BTBD1: variants seen among roughly 807,000 people sequenced by gnomAD.
BTBD1 encodes the protein BTB/POZ domain-containing protein 1.
In BTBD1, 34 loss-of-function variants were observed where a neutral mutation model predicts 48.0. That is an observed-to-expected ratio of 0.71 (90% confidence interval 0.54 to 0.94). The LOEUF (loss-of-function observed/expected upper bound fraction) is 0.94. BTBD1 is among the 40% of genes least tolerant of loss of function. The pLI is 0.00. For synonymous variants in BTBD1, 261 were observed against 242.1 expected (o/e 1.08, Z -0.72); for missense variants, 543 against 625.6 (o/e 0.87, Z 1.41).
intron 4 of BTBD1, among the ~76,000 whole-genome samples, chr15:83,032,969 C>CAA (rs56152195): frequency 0.23 from 19,564 of 86,732 alleles, 2,555 homozygotes; most frequent in Non-Finnish European, 0.24. Context: ...TACTCTGTCT[C>CAA]AAAAAAAAAA....
chr15:83,034,636 C>A (rs2032589999), intron 4 of BTBD1, among the ~76,000 whole-genome samples: 1 of 151,364 alleles, frequency 6.6e-6, no homozygotes, highest in Non-Finnish European at 1.5e-5. Flanking sequence ...AAAACAAAAA[C>A]CCACAATAAG....
intron 1 of BTBD1, among the ~76,000 whole-genome samples, chr15:83,061,280 T>C (rs2033171736): frequency 6.6e-6 from 1 of 152,190 alleles, no homozygotes; most frequent in Non-Finnish European, 1.5e-5. Flanking sequence ...AAATACCGTA[T>C]TATAATCTTA....
At chr15:83,056,345 A>G in intron 2 of BTBD1, 44 bp downstream of exon 2, 1 of 1,442,350 alleles carries the variant, frequency 6.9e-7, no homozygotes, top group Non-Finnish European at 9.7e-7. Context: ...AGTTTACTCA[A>G]TTTTAAAACT....
chr15:83,019,522 C>A (rs954273659), intron 6 of BTBD1, among the ~76,000 whole-genome samples: 3 of 151,420 alleles, frequency 2.0e-5, no homozygotes, highest in Non-Finnish European at 4.4e-5. Flanking sequence ...AGTATTTATA[C>A]TTCATAATTT....
chr15:83,026,403 A>G (rs994281563), intron 5 of BTBD1, among the ~76,000 whole-genome samples: 4 of 152,106 alleles, frequency 2.6e-5, no homozygotes, highest in Non-Finnish European at 4.4e-5. Flanking sequence ...ACAGTCTCCC[A>G]TAACTCAATC....
intron 1 of BTBD1, among the ~76,000 whole-genome samples, chr15:83,056,914 T>C (rs1255060974): frequency 6.6e-6 from 1 of 152,132 alleles, no homozygotes; most frequent in Non-Finnish European, 1.5e-5. Context: ...CAGACTGGTC[T>C]TGAACTCCTA....
At chr15:83,024,389 C>T (rs1244831016) in intron 5 of BTBD1, 1 of 152,164 alleles carries the variant, frequency 6.6e-6, no homozygotes, top group Non-Finnish European at 1.5e-5. Flanking sequence ...CCATTTGTCA[C>T]TCATCTTTTA....
At chr15:83,056,367 T>C in intron 2 of BTBD1, 22 bp downstream of exon 2, 3 of 1,581,180 alleles carry the variant, frequency 1.9e-6, no homozygotes, top group South Asian at 1.1e-5. Context: ...CAATGATACA[T>C]ACCTTAGCTA....
chr15:83,040,699 C>CAAAAAAAAAA (rs71156070), intron 4 of BTBD1, among the ~76,000 whole-genome samples: 1 of 57,232 alleles, frequency 1.7e-5, no homozygotes, highest in African/African-American at 6.6e-5. Flanking sequence ...GACCCTGTCT[C>CAAAAAAAAAA]AAAAAAAAAA....
intron 3 of BTBD1, among the ~76,000 whole-genome samples, chr15:83,049,259 A>C (rs2032934172): frequency 6.6e-6 from 1 of 152,142 alleles, no homozygotes; most frequent in Non-Finnish European, 1.5e-5. Context: ...CACACCAAAG[A>C]ACCTAAATGC....
intron 4 of BTBD1, among the ~76,000 whole-genome samples, chr15:83,033,221 A>T (rs8035852): frequency 0.12 from 18,785 of 151,432 alleles, 1,216 homozygotes; most frequent in African/African-American, 0.15. Flanking sequence ...CTCTTTTTTT[A>T]AAAAAAATGG....
intron 3 of BTBD1, among the ~76,000 whole-genome samples, chr15:83,043,527 T>A (rs2032808959): frequency 6.6e-6 from 1 of 152,126 alleles, no homozygotes; most frequent in Non-Finnish European, 1.5e-5. Context: ...GAGGCTATAG[T>A]GAAGACAATA....
intron 3 of BTBD1, among the ~76,000 whole-genome samples, chr15:83,045,319 A>AC (rs2032855882): frequency 6.6e-6 from 1 of 152,108 alleles, no homozygotes; most frequent in Non-Finnish European, 1.5e-5. Context: ...ACAGGATGAA[A>AC]CCCCATCGCC....
At position 83,017,592 on chromosome 15, in the gene BTBD1, C is replaced by T. The variant is rs2032194911; in HGVS notation, c.*475G>A. On this transcript the variant is annotated 3_prime_UTR_variant, in exon 8 of 8. Transcript: ENST00000261721. ...AATATAAAGTCAGCTTCTTAATTTT[C>T]TGAAATTTAGTTATTTGAGTTAATA... 1 of 152,584 alleles carries T rather than the reference C, an allele frequency of 6.6e-6. No homozygotes were observed. The highest frequency in any genetic ancestry group is 1.5e-5 in the Non-Finnish European group (1 of 68,026). The allele number at this position is 152,584 out of a possible 1,614,324, so 9.5% of individuals were successfully genotyped here.
Position 83,018,107 on chromosome 15 carries a change from A to T in BTBD1, c.1409T>A (p.Ile470Lys). The T allele has an allele frequency of 6.2e-7, 1 of 1,610,352 alleles. No homozygotes were observed. The highest frequency in any genetic ancestry group is 1.1e-5 in the South Asian group (1 of 90,402). ...SSPGNNNGTS[I>K]EDGQIPEIIF... ...GATTTCTGGAATTTGTCCATCTTCT[A>T]TTGAAGTGCCATTATTATTGCCAGG... is the stretch of plus-strand genomic sequence containing the variant. Residue 470 changes from isoleucine to lysine, a missense_variant, in exon 8 of 8, where the codon ATA (isoleucine) becomes AAA (lysine). By Grantham distance (102) the Ile-to-Lys change is moderately radical (BLOSUM62 -3). This residue lies in a region of BTBD1 where 300 missense variants were observed against 350.0 expected (regional missense o/e 0.86). Transcript: ENST00000261721.
At chr15:83,065,673 A>T (rs146890190) in intron 1 of BTBD1, among the ~76,000 whole-genome samples, 1,539 of 152,338 alleles carry the variant, frequency 0.01, 28 homozygotes, top group African/African-American at 0.035. Flanking sequence ...AGTGTGAGTT[A>T]GCTGTTTGTT....
intron 4 of BTBD1, among the ~76,000 whole-genome samples, chr15:83,035,935 T>C (rs961241244): frequency 1.3e-5 from 2 of 151,726 alleles, no homozygotes; most frequent in Non-Finnish European, 2.9e-5. Context: ...TCAGTAGTCA[T>C]AAAAATACAT....
At chr15:83,023,051 A>G (rs2032332263) in intron 5 of BTBD1, among the ~76,000 whole-genome samples, 1 of 152,182 alleles carries the variant, frequency 6.6e-6, no homozygotes, top group Admixed American at 6.5e-5. Context: ...AAATCCAGAC[A>G]GCCCTTGCTA....
At position 83,066,783 on chromosome 15, in the gene BTBD1, G is replaced by C; in HGVS notation, c.369C>G (p.Asp123Glu). Reference protein sequence around the residue: ...ATTSAEIELPDVEPAAFLALL... With the variant: ...ATTSAEIELPEVEPAAFLALL... ...GCGCCAGGAAGGCTGCGGGCTCCAC[G>C]TCCGGCAGCTCGATCTCGGCCGACG... The change falls in exon 1 of 8, where the codon GAC (aspartate) becomes GAG (glutamate). Residue 123 changes from aspartate (D) to glutamate (E), a missense_variant. Around this residue, in one of 3 missense-constraint regions of BTBD1, gnomAD observed 70 missense variants for 111.7 expected, o/e 0.63. Transcript: ENST00000261721. 7.0e-7 allele frequency: 1 copy of C among 1,431,972 alleles called. No individual in the cohort carries two copies. The highest frequency in any genetic ancestry group is 9.1e-7 in the Non-Finnish European group (1 of 1,097,276). The allele number at this position is 1,431,972 out of a possible 1,614,324, so 88.7% of individuals were successfully genotyped here.
Sources: allele counts gnomAD v4.1 joint callset (sites outside exome capture counted in the v4.1 genomes callset), GRCh38; gene constraint gnomAD v4.1.1; regional missense constraint gnomAD v4.1.1; transcripts MANE v1.5; gene names NCBI Gene and HGNC (gene_info 2026-07-23, HGNC 2026-07-21).